The following PABPC1L variants were observed in gnomAD, a reference collection of about 807,000 sequenced individuals.
PABPC1L encodes polyadenylate-binding protein 1-like.
PABPC1L carries 31 observed loss-of-function variants against 66.6 expected under a neutral mutation model. The ratio of observed to expected loss-of-function variants is 0.47; its 90% CI spans 0.35 to 0.63. The LOEUF is 0.63. Among genes scored for constraint, PABPC1L ranks in the 20% least tolerant of loss-of-function variants. The pLI, the probability that PABPC1L is intolerant of heterozygous loss-of-function variation, is 0.00. For synonymous variants in PABPC1L, 348 were observed against 335.1 expected (o/e 1.04, Z -0.42); for missense variants, 722 against 848.8 (o/e 0.85, Z 1.86).
chr20:44,914,564 C>T (rs757189696), intron 2 of PABPC1L, among the ~76,000 whole-genome samples: 24 of 152,120 alleles, frequency 1.6e-4, no homozygotes, highest in African/African-American at 5.3e-4. Context: ...AAGTTCTCAA[C>T]GAGGGCTCTC....
intron 2 of PABPC1L, 39 bp from the exon 3 acceptor site, chr20:44,916,717 C>T (rs201097944): frequency 1.1e-5 from 17 of 1,593,602 alleles, no homozygotes; most frequent in African/African-American, 1.3e-5. Flanking sequence ...CCTGAACCCT[C>T]TGTCAGTACT....
intron 6 of PABPC1L, 130 bp downstream of exon 6, chr20:44,921,861 G>T (rs1405908710): frequency 2.4e-5 from 32 of 1,351,100 alleles, no homozygotes; most frequent in Non-Finnish European, 3.1e-5. Flanking sequence ...AATTGAATGA[G>T]CATGGGATGG....
At chr20:44,915,734 G>A (rs954819250) in intron 2 of PABPC1L, among the ~76,000 whole-genome samples, 1 of 151,870 alleles carries the variant, frequency 6.6e-6, no homozygotes, top group Admixed American at 6.6e-5. Flanking sequence ...GGGAGGCGGG[G>A]GTTGCAGGGA....
At position 44,924,337 on chromosome 20, in the gene PABPC1L, C is replaced by T. The variant is rs1376029235; in HGVS notation, c.972+81C>T. On this transcript the variant is annotated intron_variant, in intron 7 of 14. Transcript: ENST00000217073. ...ATCCCCCCACAACCCCACCCCTCCACCCTCTCGCCCAGCAGCCTTCAGGGG... is the reference window on the plus strand; with the variant it reads ...ATCCCCCCACAACCCCACCCCTCCATCCTCTCGCCCAGCAGCCTTCAGGGG... 25 of 1,117,062 alleles carry T rather than the reference C, an allele frequency of 2.2e-5. 1 individual carries two copies. The highest frequency in any genetic ancestry group is 7.9e-5 in the South Asian group (6 of 75,508). 69.2% of individuals were successfully genotyped at this position (1,117,062 alleles called of 1,614,324 possible).
intron 7 of PABPC1L, among the ~76,000 whole-genome samples, chr20:44,926,548 ATTAT>A (rs1249467880): frequency 6.7e-6 from 1 of 149,798 alleles, no homozygotes; most frequent in African/African-American, 2.5e-5. Context: ...ATATTATACA[ATTAT>A]TTATTTATTT....
chr20:44,924,617 T>G (rs1297962509), intron 7 of PABPC1L, among the ~76,000 whole-genome samples: 1 of 152,226 alleles, frequency 6.6e-6, no homozygotes, highest in African/African-American at 2.4e-5. Flanking sequence ...GGGCCTCCGT[T>G]TTCCCATCTG....
At chr20:44,917,923 CTTTG>C (rs1325227122) in intron 3 of PABPC1L, among the ~76,000 whole-genome samples, 6 of 152,170 alleles carry the variant, frequency 3.9e-5, no homozygotes, top group Admixed American at 2.6e-4. Flanking sequence ...CCTGGTACAA[CTTTG>C]TTTGTGCTAA....
intron 5 of PABPC1L, among the ~76,000 whole-genome samples, chr20:44,920,103 C>T (rs533305919): frequency 1.0e-3 from 158 of 152,256 alleles, no homozygotes; most frequent in African/African-American, 3.7e-3. Flanking sequence ...TTATCAATGT[C>T]CTGCTCCCAA....
chr20:44,928,824 CA>C lies in PABPC1L; in HGVS notation c.973-1635del. 2.3e-5 allele frequency among the ~76,000 whole-genome samples: 3 copies of C among 129,136 alleles called. No individual in the cohort carries two copies. In the East Asian group the frequency reaches 6.9e-4, roughly 30 times the overall value. 84.7% of individuals were successfully genotyped at this position (129,136 alleles called of 152,430 possible). ...GGGTGCAGTTGAGCTGAGATTGCAC[CA>C]CTGCACTCCAGCCTGAGTGACAGAG... is the stretch of plus-strand genomic sequence containing the variant. On this transcript the variant is annotated intron_variant, in intron 7 of 14. Coordinates refer to ENST00000217073, the MANE Select transcript of PABPC1L (RefSeq NM_001372179.1).
rs747061139 is a variant in PABPC1L, at chr20:44,921,643, C to A, written c.788C>A (p.Ala263Glu). 6.2e-7 allele frequency: 1 copy of A among 1,613,894 alleles called. No individual in the cohort carries two copies. The highest frequency in any genetic ancestry group is 1.3e-5 in the African/African-American group (1 of 74,944). The change falls in exon 6 of 15, where the codon GCG becomes GAG. Residue 263 changes from alanine to glutamate, a missense_variant. Ala to Glu is a moderately radical substitution (Grantham distance 107). Transcript: ENST00000217073. The stretch of plus-strand genomic sequence containing the variant: ...GAGGTGAGCGGGCGGCTGCTGTACG[C>A]GGGCCGGGCCCAAAAGCGCGTGGAG... ...GKEVSGRLLY[A>E]GRAQKRVERQ... is the part of the protein sequence containing the mutation.
intron 8 of PABPC1L, among the ~76,000 whole-genome samples, chr20:44,931,032 C>CTCCCTTCCCT (rs2066851372): frequency 4.9e-5 from 1 of 20,298 alleles, no homozygotes; most frequent in Non-Finnish European, 1.2e-4. Flanking sequence ...CCTCCCTTCC[C>CTCCCTTCCCT]TCCCTTCCCT....
At chr20:44,930,907 C>T (rs1267648814) in intron 8 of PABPC1L, among the ~76,000 whole-genome samples, 181 bp downstream of exon 8, 2 of 152,176 alleles carry the variant, frequency 1.3e-5, no homozygotes, top group African/African-American at 2.4e-5. Flanking sequence ...TGGCATTTCC[C>T]AGTGAGAGAA....
At chr20:44,914,193 A>G (rs1316858739) in intron 2 of PABPC1L, among the ~76,000 whole-genome samples, 2 of 141,754 alleles carry the variant, frequency 1.4e-5, no homozygotes, top group South Asian at 2.3e-4. Flanking sequence ...TTTGTAGCCT[A>G]TGTGTCAGAA....
At chr20:44,930,875 G>T in intron 8 of PABPC1L, 149 bp downstream of exon 8, 1 of 1,117,128 alleles carries the variant, frequency 9.0e-7, no homozygotes, top group Non-Finnish European at 1.2e-6. Flanking sequence ...CTCTATAAAA[G>T]GGAGAGATAG....
rs2066892616 is a variant in PABPC1L at position 44,935,300 on chromosome 20, TTC to T, written c.1460-89_1460-88del. The T allele has an allele frequency of 8.9e-6, 8 of 900,848 alleles. No individual in the cohort carries two copies. In the Admixed American group the frequency reaches 1.5e-4, roughly 17 times the overall value. 55.8% of individuals were successfully genotyped at this position (900,848 alleles called of 1,614,324 possible). ...TACATTCTTGTCAACGCTTGTTATT[TTC>T]TGTTTTGGTGTTGTTTTGTTTTGTT... On this transcript the variant is annotated intron_variant, in intron 10 of 14. Transcript: ENST00000217073.
chr20:44,926,510 C>G (rs947967580), intron 7 of PABPC1L, among the ~76,000 whole-genome samples: 6 of 150,884 alleles, frequency 4.0e-5, no homozygotes, highest in African/African-American at 1.5e-4. Flanking sequence ...CAAGAATGAG[C>G]CACCACGCCC....
chr20:44,927,653 G>C (rs534759432), intron 7 of PABPC1L, among the ~76,000 whole-genome samples: 29 of 151,978 alleles, frequency 1.9e-4, no homozygotes, highest in Non-Finnish European at 2.5e-4. Flanking sequence ...CCGGCCCTTT[G>C]GCTATCTGAT....
At chr20:44,914,356 G>A (rs188753792) in intron 2 of PABPC1L, among the ~76,000 whole-genome samples, 6 of 152,044 alleles carry the variant, frequency 3.9e-5, no homozygotes, top group African/African-American at 7.2e-5. Context: ...ACAGGTGCCC[G>A]CCACCACGCC....
At chr20:44,935,561 C>G in intron 11 of PABPC1L, 64 bp downstream of exon 11, 1 of 1,421,488 alleles carries the variant, frequency 7.0e-7, no homozygotes, top group Non-Finnish European at 9.9e-7. Flanking sequence ...AGAACCTTAG[C>G]TAAGGTGTTG....
Sources: gnomAD v4.1 joint callset for allele counts (sites outside exome capture counted in the v4.1 genomes callset) on GRCh38, gnomAD v4.1.1 for gene constraint, MANE v1.5 for transcripts, NCBI Gene and HGNC (gene_info 2026-07-23, HGNC 2026-07-21) for gene names.